The following TRPS1 variants were observed in gnomAD, a reference collection of about 807,000 sequenced individuals.
TRPS1 encodes the protein zinc finger transcription factor Trps1.
TRPS1 carries 6 observed loss-of-function variants against 101.2 expected under a neutral mutation model. That is an observed-to-expected ratio of 0.06 (90% CI 0.03 to 0.12). TRPS1 has a LOEUF of 0.12. TRPS1 is among the 10% of genes least tolerant of loss of function. The pLI is 1.00. For missense variants in TRPS1, 1,363 were observed against 1,567.0 expected, an observed-to-expected ratio of 0.87 and a Z score of 2.20; for synonymous variants, 578 against 589.8, an observed-to-expected ratio of 0.98 and a Z score of 0.29.
intron 5 of TRPS1, among the ~76,000 whole-genome samples, chr8:115,471,397 T>C (rs920858244): frequency 6.6e-6 from 1 of 152,246 alleles, no homozygotes; most frequent in African/African-American, 2.4e-5. Context: ...TCACTTACTA[T>C]CATGAGAACA....
intron 5 of TRPS1, among the ~76,000 whole-genome samples, chr8:115,581,092 C>T (rs7011494): frequency 0.7 from 105,878 of 151,980 alleles, 38,335 homozygotes; most frequent in African/African-American, 0.9. Flanking sequence ...AATTCTGTCA[C>T]TTGCAGCAAC....
At chr8:115,622,257 G>A (rs1362416934) in intron 2 of TRPS1, among the ~76,000 whole-genome samples, 1 of 151,922 alleles carries the variant, frequency 6.6e-6, no homozygotes, top group Non-Finnish European at 1.5e-5. Context: ...TATGTGTTAT[G>A]TCAACCTTTT....
At chr8:115,448,319 C>T (rs1167999504) in intron 5 of TRPS1, among the ~76,000 whole-genome samples, 1 of 152,140 alleles carries the variant, frequency 6.6e-6, no homozygotes, top group East Asian at 1.9e-4. Flanking sequence ...AGGAATCTTA[C>T]AAAGATACAG....
At chr8:115,596,182 TAC>T (rs1284588366) in intron 4 of TRPS1, among the ~76,000 whole-genome samples, 1 of 151,964 alleles carries the variant, frequency 6.6e-6, no homozygotes, top group East Asian at 1.9e-4. Flanking sequence ...AATCTCCTAA[TAC>T]ACAGTCTTGT....
In TRPS1 at chr8:115,510,480, G is replaced by A. The variant is rs1026585317; in HGVS notation, c.2700+76521C>T. ...GTTCTTCCTAAGCTATAAATCTTAA[G>A]CTATCTATTAATAAAAGTCAGTTCT... On this transcript the variant is annotated intron_variant, in intron 5 of 6. Transcript: ENST00000395715. Among the ~76,000 whole-genome samples, 5 of 151,866 alleles carry A rather than the reference G, an allele frequency of 3.3e-5. No individual in the cohort carries two copies. In the East Asian group the frequency reaches 9.7e-4, roughly 29 times the overall value.
At chr8:115,508,482 C>A (rs1437403752) in intron 5 of TRPS1, among the ~76,000 whole-genome samples, 1 of 151,978 alleles carries the variant, frequency 6.6e-6, no homozygotes, top group Admixed American at 6.6e-5. Flanking sequence ...CTCTAATGCT[C>A]CTCTAATAGC....
At chr8:115,499,927 C>CAA (rs1815261960) in intron 5 of TRPS1, among the ~76,000 whole-genome samples, 1 of 95,418 alleles carries the variant, frequency 1.0e-5, no homozygotes. Context: ...TTCTTTCTTT[C>CAA]TTTCTTTCTT....
chr8:115,446,055 T>C (rs751197491), intron 5 of TRPS1, among the ~76,000 whole-genome samples: 16 of 152,170 alleles, frequency 1.1e-4, no homozygotes, highest in Non-Finnish European at 2.4e-4. Context: ...AAAAGGACTG[T>C]GAAATGCACC....
At chr8:115,435,221 C>A (rs992502058) in intron 5 of TRPS1, among the ~76,000 whole-genome samples, 2 of 152,132 alleles carry the variant, frequency 1.3e-5, no homozygotes, top group African/African-American at 4.8e-5. Flanking sequence ...TACTGAAGTT[C>A]TCACAGTAAT....
intron 5 of TRPS1, among the ~76,000 whole-genome samples, chr8:115,578,218 T>C (rs1014051690): frequency 2.0e-5 from 3 of 152,210 alleles, no homozygotes; most frequent in Non-Finnish European, 4.4e-5. Context: ...TCATTAAATA[T>C]GTCAATTTAC....
intron 3 of TRPS1, among the ~76,000 whole-genome samples, chr8:115,612,110 G>C (rs567483352): frequency 6.6e-6 from 1 of 150,714 alleles, no homozygotes. Flanking sequence ...GAAAAAAAGA[G>C]AAGGAGAAAG....
chr8:115,545,833 A>G (rs1231821276), intron 5 of TRPS1, among the ~76,000 whole-genome samples: 1 of 152,136 alleles, frequency 6.6e-6, no homozygotes, highest in Non-Finnish European at 1.5e-5. Flanking sequence ...TTATTTCAAG[A>G]ACAGATTCAA....
chr8:115,516,362 C>G (rs1815711795), intron 5 of TRPS1, among the ~76,000 whole-genome samples: 1 of 151,290 alleles, frequency 6.6e-6, no homozygotes, highest in Non-Finnish European at 1.5e-5. Flanking sequence ...GTCAATATTT[C>G]TAAGAAATTT....
At chr8:115,574,921 A>T (rs922075845) in intron 5 of TRPS1, among the ~76,000 whole-genome samples, 5 of 152,116 alleles carry the variant, frequency 3.3e-5, no homozygotes, top group Non-Finnish European at 7.4e-5. Context: ...AATAATGTTT[A>T]AAAAACTTCA....
At chr8:115,585,891 A>AG (rs2130440386) in intron 5 of TRPS1, among the ~76,000 whole-genome samples, 1 of 152,290 alleles carries the variant, frequency 6.6e-6, no homozygotes, top group African/African-American at 2.4e-5. Context: ...TGCACCTCTA[A>AG]GGGGCGTTTT....
chr8:115,537,562 G>T (rs896961118), intron 5 of TRPS1, among the ~76,000 whole-genome samples: 2 of 151,996 alleles, frequency 1.3e-5, no homozygotes, highest in South Asian at 4.1e-4. Context: ...CCATGTTTAC[G>T]TATTATAATA....
chr8:115,556,695 T>C (rs1271163656), intron 5 of TRPS1, among the ~76,000 whole-genome samples: 2 of 152,188 alleles, frequency 1.3e-5, no homozygotes, highest in Admixed American at 6.5e-5. Flanking sequence ...TACACACAAA[T>C]ATCTATTCAG....
chr8:115,494,261 G>A (rs982287583), intron 5 of TRPS1, among the ~76,000 whole-genome samples: 2 of 152,140 alleles, frequency 1.3e-5, no homozygotes, highest in Non-Finnish European at 2.9e-5. Context: ...CACATTCCAG[G>A]GCAGCGGTGT....
At chr8:115,505,224 A>C (rs994178930) in intron 5 of TRPS1, among the ~76,000 whole-genome samples, 1 of 152,120 alleles carries the variant, frequency 6.6e-6, no homozygotes, top group Non-Finnish European at 1.5e-5. Context: ...TGAAATATAA[A>C]GCTGTCTACA....
Sources: allele counts gnomAD v4.1 joint callset (sites outside exome capture counted in the v4.1 genomes callset), GRCh38; gene constraint gnomAD v4.1.1; transcripts MANE v1.5; gene names NCBI Gene and HGNC (gene_info 2026-07-23, HGNC 2026-07-21).